Variants in CNTN4 observed in about 807,000 individuals in gnomAD.
The protein encoded by CNTN4 is contactin 4.
In CNTN4, 77 loss-of-function variants were observed where a neutral mutation model predicts 122.5. The observed-to-expected ratio is 0.63, with a 90% CI of 0.52 to 0.76. CNTN4 has a LOEUF of 0.76. Ranked by LOEUF, CNTN4 falls within the 30% of genes least tolerant of loss-of-function variation. The pLI, the probability that CNTN4 is intolerant of heterozygous loss-of-function variation, is 0.00. For missense variants in CNTN4, 1,256 were observed against 1,259.1 expected, an observed-to-expected ratio of 1.00 and a Z score of 0.04; for synonymous variants, 512 against 447.0, an observed-to-expected ratio of 1.15 and a Z score of -1.83.
chr3:2,961,195 A>C (rs58794095), intron 13 of CNTN4, among the ~76,000 whole-genome samples: 35,821 of 120,736 alleles, frequency 0.3, 6,177 homozygotes, highest in East Asian at 0.57. Context: ...GGACCACTGC[A>C]CTCCAGCCTG....
intron 4 of CNTN4, among the ~76,000 whole-genome samples, chr3:2,713,091 G>A (rs2087251135): frequency 6.6e-6 from 1 of 152,220 alleles, no homozygotes; most frequent in Admixed American, 6.5e-5. Flanking sequence ...TCAACTTGAA[G>A]CCAGTCAGGC....
chr3:2,519,931 A>G (rs1002929910), intron 3 of CNTN4, among the ~76,000 whole-genome samples: 1 of 152,116 alleles, frequency 6.6e-6, no homozygotes, highest in Non-Finnish European at 1.5e-5. Context: ...TTAATGATCC[A>G]TCTTGGGTAC....
chr3:2,179,211 T>A (rs576760346), intron 2 of CNTN4, among the ~76,000 whole-genome samples: 2 of 152,112 alleles, frequency 1.3e-5, no homozygotes, highest in African/African-American at 2.4e-5. Context: ...ACATAATTAT[T>A]TGTACCTTAT....
intron 4 of CNTN4, among the ~76,000 whole-genome samples, chr3:2,598,069 G>C (rs189150021): frequency 3.9e-5 from 6 of 152,010 alleles, no homozygotes; most frequent in African/African-American, 1.5e-4. Context: ...TTCCCTTACC[G>C]GGCTATTTTG....
chr3:2,120,405 A>ATATATATATATATATATATATATTTTT lies in CNTN4; in HGVS notation c.-145+19767_-145+19768insATATATATATATATATATATATTTTTT, dbSNP rs1428527983. ...TATATATATATATATATATATATAT[A>ATATATATATATATATATATATATTTTT]TTTTTTTTTTTTTTTTTATGCAGAG... On this transcript the variant is annotated intron_variant, in intron 2 of 24. Coordinates refer to ENST00000418658, the MANE Select transcript of CNTN4 (RefSeq NM_175607.3). Among the ~76,000 whole-genome samples, 5 of 40,870 alleles carry ATATATATATATATATATATATATTTTT rather than the reference A, an allele frequency of 1.2e-4. 1 individual carries two copies. The highest frequency in any genetic ancestry group is 2.1e-4 in the Non-Finnish European group (5 of 23,444). 26.8% of individuals were successfully genotyped at this position (40,870 alleles called of 152,430 possible).
At chr3:2,159,690 A>G (rs968388982) in intron 2 of CNTN4, among the ~76,000 whole-genome samples, 1 of 152,022 alleles carries the variant, frequency 6.6e-6, no homozygotes, top group Non-Finnish European at 1.5e-5. Context: ...TTTTTTTTGC[A>G]GATGATTTAT....
At chr3:2,562,131 A>G (rs1559238045) in intron 3 of CNTN4, among the ~76,000 whole-genome samples, 1 of 152,234 alleles carries the variant, frequency 6.6e-6, no homozygotes. Flanking sequence ...TATATAAACT[A>G]CAATTGCCTG....
At chr3:2,929,489 A>G (rs2094501267) in intron 13 of CNTN4, among the ~76,000 whole-genome samples, 1 of 152,208 alleles carries the variant, frequency 6.6e-6, no homozygotes, top group South Asian at 2.1e-4. Flanking sequence ...TTTGGTTACA[A>G]GTAAGAGAAA....
intron 3 of CNTN4, among the ~76,000 whole-genome samples, chr3:2,502,102 T>C (rs1303606207): frequency 8.5e-5 from 13 of 152,162 alleles, no homozygotes; most frequent in African/African-American, 2.9e-4. Context: ...TTTTGAAATT[T>C]GAAACACCTC....
At chr3:2,954,956 C>T (rs1329489385) in intron 13 of CNTN4, among the ~76,000 whole-genome samples, 1 of 152,044 alleles carries the variant, frequency 6.6e-6, no homozygotes, top group East Asian at 1.9e-4. Flanking sequence ...CTACGCCCTG[C>T]CCCCTGCCCC....
intron 13 of CNTN4, among the ~76,000 whole-genome samples, chr3:2,930,687 C>T (rs535149571): frequency 9.2e-5 from 14 of 152,218 alleles, no homozygotes; most frequent in African/African-American, 2.6e-4. Context: ...GTCTGCATGT[C>T]GCAGGCTTGG....
chr3:2,809,614 G>T (rs760090042), intron 6 of CNTN4, among the ~76,000 whole-genome samples: 12 of 152,184 alleles, frequency 7.9e-5, no homozygotes, highest in Admixed American at 6.5e-5. Context: ...GATAAAGAAT[G>T]CAGCTGCCTA....
intron 2 of CNTN4, among the ~76,000 whole-genome samples, chr3:2,207,347 A>T (rs1178463097): frequency 6.6e-6 from 1 of 152,156 alleles, no homozygotes; most frequent in Non-Finnish European, 1.5e-5. Flanking sequence ...TGAGGAAGGC[A>T]TGTCGAAAGC....
intron 2 of CNTN4, among the ~76,000 whole-genome samples, chr3:2,287,723 A>C (rs187324011): frequency 3.5e-5 from 2 of 56,382 alleles, no homozygotes; most frequent in African/African-American, 6.1e-5. Flanking sequence ...AAGAAGAAGA[A>C]GAAGAAGAAG....
chr3:2,215,267 C>T (rs1466224348), intron 2 of CNTN4, among the ~76,000 whole-genome samples: 2 of 152,184 alleles, frequency 1.3e-5, no homozygotes, highest in African/African-American at 4.8e-5. Flanking sequence ...TCCTTGGCTG[C>T]TGGCCTGCTT....
At chr3:2,958,701 G>C (rs1437275493) in intron 13 of CNTN4, among the ~76,000 whole-genome samples, 1 of 152,140 alleles carries the variant, frequency 6.6e-6, no homozygotes, top group Non-Finnish European at 1.5e-5. Flanking sequence ...AAGACTTCCA[G>C]CTGCAGGAAG....
chr3:2,202,753 G>A (rs2038156616), intron 2 of CNTN4, among the ~76,000 whole-genome samples: 1 of 152,046 alleles, frequency 6.6e-6, no homozygotes, highest in Non-Finnish European at 1.5e-5. Context: ...TGACCCCCAA[G>A]ATATTGCTGT....
chr3:2,222,713 G>C (rs1055294083), intron 2 of CNTN4, among the ~76,000 whole-genome samples: 1 of 151,888 alleles, frequency 6.6e-6, no homozygotes, highest in Non-Finnish European at 1.5e-5. Flanking sequence ...TCAGATTCAG[G>C]CTCCCTAGTA....
At chr3:2,196,647 A>G (rs552328687) in intron 2 of CNTN4, among the ~76,000 whole-genome samples, 17 of 152,102 alleles carry the variant, frequency 1.1e-4, no homozygotes, top group South Asian at 1.0e-3. Flanking sequence ...TAGACAAGGG[A>G]TCTTGCTGGA....
Sources: gnomAD v4.1 joint callset for allele counts (sites outside exome capture counted in the v4.1 genomes callset) on GRCh38, gnomAD v4.1.1 for gene constraint, MANE v1.5 for transcripts, NCBI Gene and HGNC (gene_info 2026-07-23, HGNC 2026-07-21) for gene names.